Variants in ARHGEF7 observed in about 807,000 individuals in gnomAD.
The protein encoded by ARHGEF7 is PAK-interacting exchange factor beta.
In ARHGEF7, 33 loss-of-function variants were observed where a neutral mutation model predicts 109.8. That is an observed-to-expected ratio of 0.30 (90% CI 0.23 to 0.40). The LOEUF (loss-of-function observed/expected upper bound fraction) is 0.40. ARHGEF7 is among the 10% of genes least tolerant of loss of function. ARHGEF7 has a pLI of 1.00. For missense variants in ARHGEF7, 938 were observed against 1,098.5 expected, an observed-to-expected ratio of 0.85 and a Z score of 2.07; for synonymous variants, 458 against 424.6, an observed-to-expected ratio of 1.08 and a Z score of -0.97.
chr13:111,153,653 G>A (rs1566638960), intron 1 of ARHGEF7: 2 of 1,219,936 alleles, frequency 1.6e-6, no homozygotes, highest in Non-Finnish European at 1.0e-6. Flanking sequence ...CGTCACTTCC[G>A]GCGCCGGGGC....
rs935867459 is a variant in ARHGEF7, at chr13:111,156,045, T to C, written c.252+2054T>C. Among the ~76,000 whole-genome samples the C allele has an allele frequency of 1.9e-4, 27 of 142,066 alleles. 1 individual carries two copies. Among genetic ancestry groups the C allele is most frequent in the Non-Finnish European group, 6.0e-5 (4 of 66,874 alleles). 93.2% of individuals were successfully genotyped at this position (142,066 alleles called of 152,430 possible). ...GGTTGCAGTGAGCTGAGATTGCCAC[T>C]GCACTCCAGCCTGGGTGACAGAGCA... On this transcript the variant is annotated intron_variant, in intron 2 of 21. Transcript: ENST00000646102.
intron 2 of ARHGEF7, chr13:111,203,034 A>T: frequency 8.0e-7 from 1 of 1,254,030 alleles, no homozygotes; most frequent in Non-Finnish European, 1.0e-6. Context: ...AGAAAGATAT[A>T]TAGTTCTGGA....
chr13:111,230,398 CTCTTTTAATTTCAATGCTGTTTTTTG>C, intron 5 of ARHGEF7, among the ~76,000 whole-genome samples: 1 of 152,200 alleles, frequency 6.6e-6, no homozygotes, highest in Non-Finnish European at 1.5e-5. Flanking sequence ...GTAATTTAGC[CTCTTTTAATTTCAATGCTGTTTTTTG>C]GTAGAAGCTA....
At chr13:111,133,201 G>A (rs564458232) in intron 1 of ARHGEF7, among the ~76,000 whole-genome samples, 9 of 151,762 alleles carry the variant, frequency 5.9e-5, no homozygotes, top group Admixed American at 1.3e-4. Context: ...GTATATATGC[G>A]TGTATATGTG....
chr13:111,201,320 G>A (rs1206339194), intron 2 of ARHGEF7, among the ~76,000 whole-genome samples: 1 of 152,202 alleles, frequency 6.6e-6, no homozygotes, highest in Non-Finnish European at 1.5e-5. Context: ...CAGAGGGCAA[G>A]ATAATTTTCC....
At chr13:111,279,329 G>A (rs117857244) in intron 13 of ARHGEF7, among the ~76,000 whole-genome samples, 2,542 of 152,242 alleles carry the variant, frequency 0.017, 40 homozygotes, top group Middle Eastern at 0.075. Flanking sequence ...CCAGGGGCTG[G>A]GGGTCTCGGT....
chr13:111,141,537 T>C (rs1477781815), intron 1 of ARHGEF7, among the ~76,000 whole-genome samples: 2 of 152,186 alleles, frequency 1.3e-5, no homozygotes, highest in Non-Finnish European at 2.9e-5. Context: ...AAAAGTTTTA[T>C]CTTTTCCAGA....
rs984954726 is a variant in ARHGEF7 at position 111,294,471 on chromosome 13, A to T, written c.2311+2177A>T. The T allele has an allele frequency of 1.5e-4, 147 of 985,460 alleles. No homozygotes were observed. In the African/African-American group the frequency reaches 2.5e-3, roughly 17 times the overall value. 61.0% of individuals were successfully genotyped at this position (985,460 alleles called of 1,614,324 possible). A position where few individuals can be genotyped will look rare whatever the true frequency, so the allele number is the denominator to read the frequency against. Reference sequence around the variant, plus strand: ...TTTTCATTGATATTCTATACACCAAAGTTTTGACGGTTTACCATCATTCCA... The same window carrying T: ...TTTTCATTGATATTCTATACACCAATGTTTTGACGGTTTACCATCATTCCA... On this transcript the variant is annotated intron_variant, in intron 19 of 21. Transcript: ENST00000646102.
At chr13:111,157,550 G>A (rs2076434667) in intron 2 of ARHGEF7, among the ~76,000 whole-genome samples, 1 of 151,326 alleles carries the variant, frequency 6.6e-6, no homozygotes, top group African/African-American at 2.4e-5. Context: ...CTGGACAACA[G>A]AGCAAAACTC....
rs1356587899 is a variant in ARHGEF7 at position 111,210,012 on chromosome 13, A to G, written c.468+10A>G. On this transcript the variant is annotated intron_variant, in intron 4 of 21. Coordinates refer to ENST00000646102, the MANE Select transcript of ARHGEF7 (RefSeq NM_001354046.2). ...CCAGTATCGGAGTTTGGTAAGTTTGAGAGATTTTGTTACTTAAATATGTTT... is the reference window on the plus strand; with the variant it reads ...CCAGTATCGGAGTTTGGTAAGTTTGGGAGATTTTGTTACTTAAATATGTTT... 6.2e-7 allele frequency: 1 copy of G among 1,614,012 alleles called. No individual in the cohort carries two copies. Among genetic ancestry groups the G allele is most frequent in the Non-Finnish European group, 8.5e-7 (1 of 1,180,024 alleles).
Position 111,274,432 on chromosome 13 carries a change from G to A in ARHGEF7, c.1213-299G>A, listed in dbSNP as rs541200201. ...GTAGGGTCTTCTTCACGGCTACACA[G>A]CTCTGCCATTTTAGATACTGTATGT... On this transcript the variant is annotated intron_variant, in intron 10 of 21. Coordinates refer to ENST00000646102, the MANE Select transcript of ARHGEF7 (RefSeq NM_001354046.2). Among the ~76,000 whole-genome samples, 9 of 152,308 alleles carry A rather than the reference G, an allele frequency of 5.9e-5. No homozygotes were observed. In the South Asian group the frequency reaches 1.0e-3, roughly 18 times the overall value.
At chr13:111,138,985 G>A (rs2075218927) in intron 1 of ARHGEF7, among the ~76,000 whole-genome samples, 1 of 152,168 alleles carries the variant, frequency 6.6e-6, no homozygotes, top group Non-Finnish European at 1.5e-5. Context: ...TTTCCAAGCA[G>A]CCATCATGAA....
intron 1 of ARHGEF7, among the ~76,000 whole-genome samples, chr13:111,118,313 T>G (rs1221402054): frequency 6.6e-6 from 1 of 152,240 alleles, no homozygotes; most frequent in Non-Finnish European, 1.5e-5. Context: ...ATTCTTCTGC[T>G]CATTTAAAGG....
At chr13:111,263,464 C>A (rs2091310430) in intron 8 of ARHGEF7, among the ~76,000 whole-genome samples, 5 of 152,180 alleles carry the variant, frequency 3.3e-5, no homozygotes. Flanking sequence ...ATTTCCTTTT[C>A]TGAATGGATC....
At chr13:111,132,290 G>A (rs1406419466) in intron 1 of ARHGEF7, among the ~76,000 whole-genome samples, 1 of 152,134 alleles carries the variant, frequency 6.6e-6, no homozygotes, top group Admixed American at 6.5e-5. Context: ...ACAGTTGTTT[G>A]TTACTCTCAA....
intron 2 of ARHGEF7, among the ~76,000 whole-genome samples, chr13:111,168,902 A>G (rs989743228): frequency 2.0e-5 from 3 of 152,342 alleles, no homozygotes; most frequent in Admixed American, 6.5e-5. Flanking sequence ...GGTAGGTGAC[A>G]TTGCTTCTAT....
At chr13:111,287,067 C>T (rs1375772302) in intron 17 of ARHGEF7, among the ~76,000 whole-genome samples, 1 of 152,260 alleles carries the variant, frequency 6.6e-6, no homozygotes, top group Non-Finnish European at 1.5e-5. Flanking sequence ...TGCCATGCCA[C>T]TGCTGGCCTC....
intron 2 of ARHGEF7, among the ~76,000 whole-genome samples, chr13:111,189,273 G>A (rs2079587166): frequency 6.6e-6 from 1 of 152,202 alleles, no homozygotes; most frequent in Non-Finnish European, 1.5e-5. Flanking sequence ...GAATGAAGCC[G>A]CAGACCCTCG....
At chr13:111,230,042 G>A (rs1056013738) in intron 5 of ARHGEF7, among the ~76,000 whole-genome samples, 1 of 152,182 alleles carries the variant, frequency 6.6e-6, no homozygotes, top group African/African-American at 2.4e-5. Flanking sequence ...AGCTGCTGGA[G>A]CCTGGAGACA....
Sources: gnomAD v4.1 joint callset for allele counts (sites outside exome capture counted in the v4.1 genomes callset) on GRCh38, gnomAD v4.1.1 for gene constraint, MANE v1.5 for transcripts, NCBI Gene and HGNC (gene_info 2026-07-23, HGNC 2026-07-21) for gene names.